Variants in CRYL1 observed in about 807,000 individuals in gnomAD.
CRYL1 encodes crystallin lambda 1.
In CRYL1, 29 loss-of-function variants were observed where a neutral mutation model predicts 36.6. That is an observed-to-expected ratio of 0.79 (90% CI 0.59 to 1.08). The LOEUF is 1.08. Ranked by LOEUF, CRYL1 falls within the 50% of genes least tolerant of loss-of-function variation. CRYL1 has a pLI of 0.00. For synonymous variants in CRYL1, 152 were observed against 151.5 expected (o/e 1.00, Z -0.02); for missense variants, 411 against 407.9 (o/e 1.01, Z -0.06).
intron 3 of CRYL1, among the ~76,000 whole-genome samples, chr13:20,476,002 C>T (rs534573483): frequency 2.6e-5 from 4 of 152,276 alleles, no homozygotes; most frequent in East Asian, 1.9e-4. Flanking sequence ...ACCTGCCCCA[C>T]GCACACGGCA....
At chr13:20,426,831 C>T (rs1307207585) in intron 5 of CRYL1, 5 of 985,414 alleles carry the variant, frequency 5.1e-6, no homozygotes, top group Non-Finnish European at 4.8e-6. Context: ...CATCCAGATG[C>T]CCCAGACCAC....
At chr13:20,489,307 C>T in intron 3 of CRYL1, 63 bp downstream of exon 3, 1 of 1,599,836 alleles carries the variant, frequency 6.3e-7, no homozygotes. Flanking sequence ...CCCTGTTCCT[C>T]CGGAGAGGCT....
chr13:20,420,703 G>GTT (rs2031784049), intron 5 of CRYL1, among the ~76,000 whole-genome samples: 3 of 38,744 alleles, frequency 7.7e-5, no homozygotes, highest in Admixed American at 3.0e-4. Flanking sequence ...AATAGAGGTT[G>GTT]TGTGTGTGTG....
At chr13:20,498,604 A>G (rs575307783) in intron 2 of CRYL1, among the ~76,000 whole-genome samples, 2 of 152,368 alleles carry the variant, frequency 1.3e-5, no homozygotes, top group Admixed American at 6.5e-5. Flanking sequence ...ATGTTTTATT[A>G]AAATTAGCAT....
chr13:20,447,757 A>G lies in CRYL1; in HGVS notation c.277-8003T>C, dbSNP rs979223902. ...AGGAACTTGAAACCTTTAATGCACT[A>G]AGGATAACCATAACAACTGCAAACC... On this transcript the variant is annotated intron_variant, in intron 3 of 7. Coordinates refer to ENST00000298248, the MANE Select transcript of CRYL1 (RefSeq NM_015974.3). Among the ~76,000 whole-genome samples the G allele has an allele frequency of 2.5e-4, 38 of 152,228 alleles. 1 individual carries two copies. Among genetic ancestry groups the G allele is most frequent in the Non-Finnish European group, 4.7e-4 (32 of 68,048 alleles).
At chr13:20,422,085 G>A (rs532327599) in intron 5 of CRYL1, among the ~76,000 whole-genome samples, 20 of 152,108 alleles carry the variant, frequency 1.3e-4, no homozygotes, top group South Asian at 6.2e-4. Flanking sequence ...AAGGCCAGGC[G>A]CGGTGGCTCA....
chr13:20,430,200 T>G, intron 5 of CRYL1: 1 of 984,828 alleles, frequency 1.0e-6, no homozygotes, highest in Non-Finnish European at 1.2e-6. Context: ...TAGAAACAAA[T>G]TATCTTCTAG....
chr13:20,445,444 C>A (rs1429243816), intron 3 of CRYL1, among the ~76,000 whole-genome samples: 1 of 152,206 alleles, frequency 6.6e-6, no homozygotes, highest in Non-Finnish European at 1.5e-5. Context: ...GACCAGTCTT[C>A]ACAAGGACTG....
chr13:20,489,328 GTCTCAGGCC>G (rs750689290), intron 3 of CRYL1, 33 bp downstream of exon 3: 5 of 1,609,286 alleles, frequency 3.1e-6, no homozygotes, highest in Middle Eastern at 1.7e-4. Context: ...GGGAGACAAT[GTCTCAGGCC>G]CCACAGATGC....
intron 2 of CRYL1, among the ~76,000 whole-genome samples, chr13:20,490,360 C>T (rs1489079451): frequency 6.6e-6 from 1 of 152,110 alleles, no homozygotes; most frequent in African/African-American, 2.4e-5. Context: ...CCACTGCACT[C>T]CAGCCTGAGC....
intron 2 of CRYL1, among the ~76,000 whole-genome samples, chr13:20,507,681 G>C (rs1038229221): frequency 6.6e-6 from 1 of 152,218 alleles, no homozygotes; most frequent in African/African-American, 2.4e-5. Context: ...CACTTTGGGA[G>C]GCCAAGGCAG....
At chr13:20,496,161 G>GATGCC in intron 2 of CRYL1, among the ~76,000 whole-genome samples, 1 of 152,272 alleles carries the variant, frequency 6.6e-6, no homozygotes, top group Middle Eastern at 3.4e-3. Flanking sequence ...CAAAAGGACA[G>GATGCC]ATGCCATATG....
chr13:20,454,520 C>G (rs1173478658), intron 3 of CRYL1, among the ~76,000 whole-genome samples: 2 of 151,394 alleles, frequency 1.3e-5, no homozygotes, highest in Non-Finnish European at 2.9e-5. Flanking sequence ...GAAGTTCACG[C>G]CATTCTTCTG....
At chr13:20,524,621 C>A (rs899066414) in intron 1 of CRYL1, among the ~76,000 whole-genome samples, 2 of 152,242 alleles carry the variant, frequency 1.3e-5, no homozygotes, top group East Asian at 3.9e-4. Flanking sequence ...AGATGATCCG[C>A]CTGCCTCGGC....
At chr13:20,483,753 T>C (rs576522466) in intron 3 of CRYL1, among the ~76,000 whole-genome samples, 74 of 152,104 alleles carry the variant, frequency 4.9e-4, no homozygotes, top group Admixed American at 3.9e-4. Flanking sequence ...GTTGCTCAGG[T>C]TGGTCTCGAA....
intron 3 of CRYL1, among the ~76,000 whole-genome samples, chr13:20,446,169 T>C (rs533778528): frequency 6.6e-6 from 1 of 152,356 alleles, no homozygotes; most frequent in Non-Finnish European, 1.5e-5. Context: ...TGGAGTGCAG[T>C]GGCACAATCT....
At position 20,435,287 on chromosome 13, in the gene CRYL1, C is replaced by T. The variant is rs182973261; in HGVS notation, c.439-2991G>A. 4.2e-4 allele frequency among the ~76,000 whole-genome samples: 64 copies of T among 152,320 alleles called. 2 individuals are homozygous for T. The highest frequency in any genetic ancestry group is 3.2e-3 in the Admixed American group (49 of 15,294). ...AGGACTTTGATCATGCCTTCTCCAA[C>T]GAAAAATCTTGAAGGGCTGCCCAGC... is the stretch of plus-strand genomic sequence containing the variant. On this transcript the variant is annotated intron_variant, in intron 4 of 7. Transcript: ENST00000298248. The surrounding 1 kb of genome is among the most constrained non-coding windows in gnomAD (Gnocchi z 4.0).
chr13:20,454,784 A>G (rs2032646258), intron 3 of CRYL1, among the ~76,000 whole-genome samples: 1 of 152,126 alleles, frequency 6.6e-6, no homozygotes, highest in African/African-American at 2.4e-5. Context: ...TAACATGATG[A>G]AAGGTAGCTA....
intron 5 of CRYL1, among the ~76,000 whole-genome samples, chr13:20,420,909 AT>A (rs1404233610): frequency 6.6e-6 from 1 of 151,622 alleles, no homozygotes; most frequent in Admixed American, 6.6e-5. Context: ...AATTTTTTGT[AT>A]TTTTAGTAGA....
Sources: allele counts gnomAD v4.1 joint callset (sites outside exome capture counted in the v4.1 genomes callset), GRCh38; gene constraint gnomAD v4.1.1; non-coding constraint Gnocchi (gnomAD v3.1); transcripts MANE v1.5; gene names NCBI Gene and HGNC (gene_info 2026-07-23, HGNC 2026-07-21).